Variants in KALRN observed in about 807,000 individuals in gnomAD.
KALRN encodes kalirin.
KALRN carries 70 observed loss-of-function variants against 353.7 expected under a neutral mutation model. The ratio of observed to expected loss-of-function variants is 0.20; its 90% confidence interval spans 0.16 to 0.24. The LOEUF (loss-of-function observed/expected upper bound fraction) is 0.24, where lower values mean the gene tolerates loss of function less well. Ranked by LOEUF, KALRN falls within the 10% of genes least tolerant of loss-of-function variation. The pLI, the probability that KALRN is intolerant of heterozygous loss-of-function variation, is 1.00. For missense variants in KALRN, 2,791 were observed against 3,756.7 expected, an observed-to-expected ratio of 0.74 and a Z score of 6.72; for synonymous variants, 1,391 against 1,434.8, an observed-to-expected ratio of 0.97 and a Z score of 0.69.
Position 124,661,946 on chromosome 3 carries a change from C to A in KALRN, c.6345+18C>A, listed in dbSNP as rs665927. The A allele has an allele frequency of 3.1e-6, 5 of 1,598,606 alleles. No individual in the cohort carries two copies. Among genetic ancestry groups the A allele is most frequent in the Non-Finnish European group, 4.3e-6 (5 of 1,166,378 alleles). On this transcript the variant is annotated intron_variant, in intron 45 of 59. Transcript: ENST00000682506. ...GCTTTGAGGTGAGTCTTTAAGAATGCGTCTAAGCCCACTCTCTCCAGGACA... is the reference window on the plus strand; with the variant it reads ...GCTTTGAGGTGAGTCTTTAAGAATGAGTCTAAGCCCACTCTCTCCAGGACA...
At chr3:124,661,738 T>C (rs1428314356) in intron 44 of KALRN, 113 bp from the exon 45 acceptor site, 5 of 827,410 alleles carry the variant, frequency 6.0e-6, no homozygotes, top group Non-Finnish European at 1.1e-5. Flanking sequence ...CATCCCTTCC[T>C]AGAATAAAGG....
At position 124,401,877 on chromosome 3, in the gene KALRN, T is replaced by C. The variant is rs3772742; in HGVS notation, c.2346+3006T>C. ...GTTGAGATTATTCAAATACCAGCTA[T>C]GTCTCACTGTGGGGATGAAGAACAA... On this transcript the variant is annotated intron_variant, in intron 13 of 59. Coordinates refer to ENST00000682506, the MANE Select transcript of KALRN (RefSeq NM_001388419.1). 0.011 allele frequency among the ~76,000 whole-genome samples: 1,723 copies of C among 152,318 alleles called. 57 individuals carry two copies. In the East Asian group the frequency reaches 0.12, roughly 11 times the overall value.
In KALRN at chr3:124,054,969, G is replaced by A. The variant is rs1379466308; in HGVS notation, c.73+21156G>A. 1.8e-4 allele frequency among the ~76,000 whole-genome samples: 6 copies of A among 33,260 alleles called. No individual in the cohort carries two copies. The South Asian group carries it at 0.041, about 227-fold the overall frequency. The allele number at this position is 33,260 out of a possible 152,430, so 21.8% of individuals were successfully genotyped here. A position where few individuals can be genotyped will look rare whatever the true frequency, so the allele number is the denominator to read the frequency against. On this transcript the variant is annotated intron_variant, in intron 1 of 59. Transcript: ENST00000682506. Reference sequence around the variant, plus strand: ...TAATTAGTGGAGTTTATAGCAAATAGCTTACTCAGTTAGCCATTAACCATC... The same window carrying A: ...TAATTAGTGGAGTTTATAGCAAATAACTTACTCAGTTAGCCATTAACCATC...
chr3:124,693,684 T>C (rs1031313204), intron 51 of KALRN, 120 bp from the exon 52 acceptor site: 20 of 590,110 alleles, frequency 3.4e-5, no homozygotes, highest in Non-Finnish European at 5.3e-5. Context: ...CAGTGGGAAG[T>C]TGGGCTCCAG....
intron 6 of KALRN, among the ~76,000 whole-genome samples, chr3:124,307,469 T>C (rs766080826): frequency 2.6e-4 from 40 of 152,040 alleles, no homozygotes; most frequent in Admixed American, 5.9e-4. Flanking sequence ...AAATGTAATA[T>C]GTATAAAATA....
intron 1 of KALRN, among the ~76,000 whole-genome samples, chr3:124,100,903 T>C (rs940097156): frequency 2.0e-5 from 3 of 152,228 alleles, no homozygotes; most frequent in African/African-American, 7.2e-5. Context: ...TAGGTGATTC[T>C]AATGGCAGCC....
chr3:124,367,043 G>A (rs1402073414), intron 10 of KALRN, among the ~76,000 whole-genome samples: 3 of 141,078 alleles, frequency 2.1e-5, no homozygotes, highest in Admixed American at 6.8e-5. Flanking sequence ...CGGACGGGGC[G>A]GCTGGCCGGG....
At chr3:124,144,578 C>T (rs1035977073) in intron 1 of KALRN, among the ~76,000 whole-genome samples, 8 of 151,684 alleles carry the variant, frequency 5.3e-5, no homozygotes, top group Non-Finnish European at 8.8e-5. Flanking sequence ...ATTCCTCATC[C>T]TCCTCCTCTT....
At chr3:124,109,716 CAT>C (rs1307193559) in intron 1 of KALRN, among the ~76,000 whole-genome samples, 6 of 128,284 alleles carry the variant, frequency 4.7e-5, no homozygotes, top group African/African-American at 1.7e-4. Context: ...ATATATATGA[CAT>C]ATATATCATA....
chr3:124,254,035 G>C (rs141706715), intron 3 of KALRN, among the ~76,000 whole-genome samples: 47 of 132,672 alleles, frequency 3.5e-4, no homozygotes, highest in African/African-American at 1.2e-3. Context: ...TCACATGAGT[G>C]GGGGCAAACA....
chr3:124,464,986 A>G (rs1284287602), intron 25 of KALRN, among the ~76,000 whole-genome samples: 2 of 152,220 alleles, frequency 1.3e-5, no homozygotes, highest in African/African-American at 4.8e-5. Context: ...TATTAGCAGT[A>G]ACCCTGAGTC....
At chr3:124,627,561 A>G in intron 34 of KALRN, among the ~76,000 whole-genome samples, 1 of 152,238 alleles carries the variant, frequency 6.6e-6, no homozygotes, top group South Asian at 2.1e-4. Flanking sequence ...ATGTGGCCGG[A>G]CTTCTAGTTC....
intron 5 of KALRN, among the ~76,000 whole-genome samples, chr3:124,273,376 A>C (rs2074367677): frequency 6.6e-6 from 1 of 152,276 alleles, no homozygotes; most frequent in Non-Finnish European, 1.5e-5. Context: ...TGGGTAGGCC[A>C]GAAGTTCTGT....
At chr3:124,485,854 T>C (rs1263785574) in intron 28 of KALRN, among the ~76,000 whole-genome samples, 4 of 152,208 alleles carry the variant, frequency 2.6e-5, no homozygotes, top group African/African-American at 9.6e-5. Flanking sequence ...CACTCCAGCC[T>C]GGGTGATAGA....
intron 1 of KALRN, among the ~76,000 whole-genome samples, chr3:124,057,868 A>G (rs2149194780): frequency 6.6e-6 from 1 of 152,364 alleles, no homozygotes; most frequent in South Asian, 2.1e-4. Context: ...ACCTGGATAC[A>G]TTAAGAAAAT....
intron 10 of KALRN, among the ~76,000 whole-genome samples, chr3:124,359,546 A>G (rs951002575): frequency 1.4e-4 from 21 of 152,316 alleles, no homozygotes; most frequent in African/African-American, 3.1e-4. Context: ...GAAGAAAAGC[A>G]TAGCATTTGG....
intron 1 of KALRN, among the ~76,000 whole-genome samples, chr3:124,217,615 TATCTTAAC>T (rs1359376305): frequency 1.1e-4 from 17 of 152,328 alleles, no homozygotes; most frequent in African/African-American, 4.1e-4. Flanking sequence ...CTCCATGATA[TATCTTAAC>T]ATCTCTTTCA....
chr3:124,181,156 T>A (rs979800216), intron 1 of KALRN, among the ~76,000 whole-genome samples: 1 of 149,774 alleles, frequency 6.7e-6, no homozygotes, highest in African/African-American at 2.5e-5. Context: ...GAGGCTGTTA[T>A]ATGAGAATCA....
In KALRN at chr3:124,269,067, A is replaced by G. The variant is rs765568473; in HGVS notation, c.781A>G (p.Ser261Gly). 1.2e-6 allele frequency: 2 copies of G among 1,612,602 alleles called. No individual in the cohort carries two copies. Among genetic ancestry groups the G allele is most frequent in the South Asian group, 2.2e-5 (2 of 90,994 alleles). Residue 261 changes from serine (S) to glycine (G), a missense_variant, in exon 5 of 60, where the codon AGC becomes GGC. Coordinates refer to ENST00000682506, the MANE Select transcript of KALRN (RefSeq NM_001388419.1). ...GCGGCTGCTGCAGTGCATCCGCTGC[A>G]GCGACGGCTTCTCAGGACGCAACTG... ...GQRLLQCIRCSDGFSGRNCIP... is the reference protein window; with the variant it reads ...GQRLLQCIRCGDGFSGRNCIP...
Sources: gnomAD v4.1 joint callset for allele counts (sites outside exome capture counted in the v4.1 genomes callset) on GRCh38, gnomAD v4.1.1 for gene constraint, MANE v1.5 for transcripts, NCBI Gene and HGNC (gene_info 2026-07-23, HGNC 2026-07-21) for gene names.